The following PPP6R3 variants were observed in gnomAD, a reference collection of about 807,000 sequenced individuals.
PPP6R3 encodes the protein protein phosphatase 6 regulatory subunit 3.
PPP6R3 carries 38 observed loss-of-function variants against 110.7 expected under a neutral mutation model. The observed-to-expected ratio is 0.34, with a 90% confidence interval of 0.26 to 0.45. PPP6R3 has a LOEUF of 0.45. Ranked by LOEUF, PPP6R3 falls within the 20% of genes least tolerant of loss-of-function variation. PPP6R3 has a pLI of 1.00. For synonymous variants in PPP6R3, 369 were observed against 373.5 expected (o/e 0.99, Z 0.14); for missense variants, 870 against 1,062.4 (o/e 0.82, Z 2.52).
At chr11:68,571,277 T>G in intron 12 of PPP6R3, 173 bp downstream of exon 12, 2 of 963,754 alleles carry the variant, frequency 2.1e-6, no homozygotes, top group Non-Finnish European at 2.9e-6. Context: ...ATAATACTAA[T>G]AATTTCTTGT....
intron 1 of PPP6R3, among the ~76,000 whole-genome samples, chr11:68,464,889 T>TA (rs1332121734): frequency 6.6e-6 from 1 of 151,976 alleles, no homozygotes. Context: ...TCAACTTTTT[T>TA]TTTTTTTTTT....
intron 4 of PPP6R3, among the ~76,000 whole-genome samples, chr11:68,546,987 T>G (rs996166585): frequency 6.6e-6 from 1 of 152,258 alleles, no homozygotes; most frequent in Non-Finnish European, 1.5e-5. Flanking sequence ...CTTGAAGTTT[T>G]ATATCATAAT....
intron 1 of PPP6R3, among the ~76,000 whole-genome samples, chr11:68,507,853 C>T (rs1469026029): frequency 1.3e-5 from 2 of 152,094 alleles, no homozygotes; most frequent in Non-Finnish European, 1.5e-5. Context: ...GCATGTTATG[C>T]AATAGCTATG....
intron 1 of PPP6R3, among the ~76,000 whole-genome samples, chr11:68,484,644 A>G (rs1157060049): frequency 2.0e-5 from 3 of 151,748 alleles, no homozygotes; most frequent in Non-Finnish European, 4.4e-5. Context: ...GTGGAGTGTA[A>G]TGGCACAGTC....
intron 1 of PPP6R3, among the ~76,000 whole-genome samples, chr11:68,497,078 G>A (rs189050046): frequency 8.7e-4 from 131 of 150,456 alleles, no homozygotes; most frequent in African/African-American, 3.1e-3. Context: ...ACGGAGTCTC[G>A]CTCTTTCACC....
Position 68,576,050 on chromosome 11 carries a change from T to G in PPP6R3, c.1545+7T>G. ...GAGGAACACGGTAGATCTAGTAGGT[T>G]TTACAAGGTTACATTTTTATTCTTT... On this transcript the variant is annotated splice_region_variant and intron_variant, in intron 14 of 23. Transcript: ENST00000393800. 1 of 1,577,806 alleles carries G rather than the reference T, an allele frequency of 6.3e-7. No homozygotes were observed. Among genetic ancestry groups the G allele is most frequent in the Non-Finnish European group, 8.7e-7 (1 of 1,151,110 alleles).
intron 13 of PPP6R3, among the ~76,000 whole-genome samples, chr11:68,575,395 G>C (rs2099526801): frequency 6.6e-6 from 1 of 152,056 alleles, no homozygotes; most frequent in Non-Finnish European, 1.5e-5. Context: ...GTGTATCCAC[G>C]TTGGCCCATG....
intron 1 of PPP6R3, among the ~76,000 whole-genome samples, chr11:68,516,115 A>T (rs1010303078): frequency 2.6e-5 from 4 of 152,142 alleles, no homozygotes; most frequent in African/African-American, 9.7e-5. Flanking sequence ...GGCTTATTTG[A>T]CTTGGCACGT....
chr11:68,612,762 C>T (rs541452687), intron 23 of PPP6R3: 7 of 370,370 alleles, frequency 1.9e-5, no homozygotes, highest in Non-Finnish European at 3.5e-5. Context: ...ACAGTTTATA[C>T]CCCACTGACC....
At chr11:68,571,324 CGG>C in intron 12 of PPP6R3, 1 of 549,300 alleles carries the variant, frequency 1.8e-6, no homozygotes, top group South Asian at 2.4e-5. Flanking sequence ...CAAGTGAGTT[CGG>C]AGTGTTCCCC....
At chr11:68,573,114 T>TTA (rs60848718) in intron 12 of PPP6R3, among the ~76,000 whole-genome samples, 1,241 of 61,636 alleles carry the variant, frequency 0.02, 28 homozygotes, top group African/African-American at 0.044. Flanking sequence ...TTTACTTATT[T>TTA]TATATATATA....
At chr11:68,540,524 C>T (rs1378391098) in intron 3 of PPP6R3, among the ~76,000 whole-genome samples, 1 of 152,098 alleles carries the variant, frequency 6.6e-6, no homozygotes, top group Non-Finnish European at 1.5e-5. Flanking sequence ...AAGTTTTGGG[C>T]ACCATTGTCA....
At chr11:68,539,999 C>T (rs574522606) in intron 3 of PPP6R3, among the ~76,000 whole-genome samples, 14 of 152,266 alleles carry the variant, frequency 9.2e-5, no homozygotes, top group African/African-American at 3.4e-4. Flanking sequence ...TGGTGTGCCC[C>T]AAGAACATCT....
chr11:68,594,295 GAGAGGAGAGAGAGA>G, intron 18 of PPP6R3, among the ~76,000 whole-genome samples: 1 of 144,614 alleles, frequency 6.9e-6, no homozygotes, highest in South Asian at 2.2e-4. Flanking sequence ...AGAGAGAGGA[GAGAGGAGAGAGAGA>G]GAGAGAGAGA....
intron 1 of PPP6R3, among the ~76,000 whole-genome samples, chr11:68,511,710 A>T (rs976252377): frequency 4.9e-4 from 70 of 143,594 alleles, no homozygotes; most frequent in African/African-American, 1.7e-3. Flanking sequence ...TAAACTCCTG[A>T]CTTCAGATGA....
intron 18 of PPP6R3, among the ~76,000 whole-genome samples, 181 bp from the exon 19 acceptor site, chr11:68,595,916 G>A (rs775773763): frequency 2.2e-4 from 34 of 152,178 alleles, no homozygotes; most frequent in Non-Finnish European, 4.3e-4. Context: ...TTAGTGTGAG[G>A]TTGGGCAGCA....
intron 1 of PPP6R3, among the ~76,000 whole-genome samples, chr11:68,512,734 A>C (rs2099116838): frequency 6.6e-6 from 1 of 152,154 alleles, no homozygotes; most frequent in Non-Finnish European, 1.5e-5. Flanking sequence ...TGTGTCTGTG[A>C]GAGTGTTTTC....
chr11:68,469,042 A>G (rs1456815507), intron 1 of PPP6R3, among the ~76,000 whole-genome samples: 6 of 152,232 alleles, frequency 3.9e-5, no homozygotes, highest in Non-Finnish European at 7.3e-5. Flanking sequence ...CAAATTCTGC[A>G]TTATAACCAG....
chr11:68,511,806 T>TG (rs55885723), intron 1 of PPP6R3, among the ~76,000 whole-genome samples: 8,218 of 151,384 alleles, frequency 0.054, 287 homozygotes, highest in Middle Eastern at 0.13. Flanking sequence ...TGTGTGTGTG[T>TG]TTTTTAAATG....
Sources: allele counts gnomAD v4.1 joint callset (sites outside exome capture counted in the v4.1 genomes callset), GRCh38; gene constraint gnomAD v4.1.1; transcripts MANE v1.5; gene names NCBI Gene and HGNC (gene_info 2026-07-23, HGNC 2026-07-21).